The following LYZL4 variants were observed in gnomAD, a reference collection of about 807,000 sequenced individuals.
The protein encoded by LYZL4 is lysozyme like 4.
Under a neutral mutation model 17.6 loss-of-function variants are expected in LYZL4, and 13 were observed. The observed-to-expected ratio is 0.74, with a 90% CI of 0.48 to 1.18. The LOEUF is 1.18. Ranked by LOEUF, LYZL4 falls within the 50% of genes most tolerant of loss-of-function variation. LYZL4 has a pLI of 0.00. For missense variants in LYZL4, 174 were observed against 188.2 expected (o/e 0.92, Z 0.44); for synonymous variants, 64 against 67.7 (o/e 0.95, Z 0.27).
chr3:42,361,531 A>G, the LYZL4 span, among the ~76,000 whole-genome samples: 1 of 152,098 alleles, frequency 6.6e-6, no homozygotes, highest in African/African-American at 2.4e-5. Flanking sequence ...AAATAGACTT[A>G]GCCTGGGCAA....
the LYZL4 span, among the ~76,000 whole-genome samples, chr3:42,380,070 G>C: frequency 2.2e-4 from 33 of 152,164 alleles, no homozygotes; most frequent in Non-Finnish European, 4.0e-4. Context: ...GGCCCTCATC[G>C]GACACCACCT....
At chr3:42,391,704 C>A in the LYZL4 span, among the ~76,000 whole-genome samples, 1 of 151,830 alleles carries the variant, frequency 6.6e-6, no homozygotes, top group Non-Finnish European at 1.5e-5. Flanking sequence ...AATCAGAAGC[C>A]GAGAGAGATT....
At chr3:42,404,223 C>A in intron 3 of LYZL4, 99 bp from the exon 4 acceptor site, 1 of 633,932 alleles carries the variant, frequency 1.6e-6, no homozygotes, top group South Asian at 2.4e-5. Context: ...AGAGAGTCTT[C>A]CAGTGAATTC....
downstream of LYZL4, among the ~76,000 whole-genome samples, chr3:42,393,439 G>T: frequency 6.6e-6 from 1 of 152,126 alleles, no homozygotes; most frequent in East Asian, 1.9e-4. Context: ...GGAAGCAGGC[G>T]AAGGGCCCAG....
chr3:42,378,747 A>G, the LYZL4 span, among the ~76,000 whole-genome samples: 1 of 152,150 alleles, frequency 6.6e-6, no homozygotes, highest in African/African-American at 2.4e-5. Context: ...GAGTGCAACT[A>G]ACGTGTAGAT....
At chr3:42,392,429 G>C (rs576651231), downstream of LYZL4, among the ~76,000 whole-genome samples, 1 of 152,228 alleles carries the variant, frequency 6.6e-6, no homozygotes, top group African/African-American at 2.4e-5. Context: ...GCATGAAACA[G>C]TCATCTAAGA....
downstream of LYZL4, among the ~76,000 whole-genome samples, chr3:42,396,144 C>G (rs1340549178): frequency 1.3e-5 from 2 of 152,178 alleles, no homozygotes; most frequent in South Asian, 2.1e-4. Context: ...TACTGAAATA[C>G]TCACTGGCAC....
At chr3:42,391,673 A>C in the LYZL4 span, among the ~76,000 whole-genome samples, 1 of 152,170 alleles carries the variant, frequency 6.6e-6, no homozygotes. Context: ...TTTTTGAGGA[A>C]TTTTTAAAGA....
In LYZL4 at chr3:42,397,222, C is replaced by T; in HGVS notation, c.*43G>A. 1 of 1,375,010 alleles carries T rather than the reference C, an allele frequency of 7.3e-7. No individual in the cohort carries two copies. The highest frequency in any genetic ancestry group is 1.0e-6 in the Non-Finnish European group (1 of 990,708). 85.2% of individuals were successfully genotyped at this position (1,375,010 alleles called of 1,614,324 possible). On this transcript the variant is annotated 3_prime_UTR_variant, in exon 5 of 5. Transcript: ENST00000287748. Reference sequence around the variant, plus strand: ...CAGCAAGCAGAAAAGCACCTTCATTCACAAGATGCAACTGGTGAGTGCTGC... The same window carrying T: ...CAGCAAGCAGAAAAGCACCTTCATTTACAAGATGCAACTGGTGAGTGCTGC...
intron 1 of LYZL4, among the ~76,000 whole-genome samples, chr3:42,409,615 T>A (rs1315796569): frequency 6.6e-6 from 1 of 152,178 alleles, no homozygotes; most frequent in South Asian, 2.1e-4. Flanking sequence ...GCCTCTCATC[T>A]TTTCTGCCAT....
the LYZL4 span, among the ~76,000 whole-genome samples, chr3:42,389,553 T>C: frequency 6.6e-6 from 1 of 152,208 alleles, no homozygotes; most frequent in South Asian, 2.1e-4. Flanking sequence ...CATAGCACCG[T>C]AGGGTCTTAA....
At chr3:42,360,905 C>T in the LYZL4 span, among the ~76,000 whole-genome samples, 1 of 152,004 alleles carries the variant, frequency 6.6e-6, no homozygotes, top group Admixed American at 6.5e-5. Context: ...AATTAGGTTC[C>T]TTTAGCCAAG....
In LYZL4 at chr3:42,410,497, C is replaced by T. The variant is rs1577160501; in HGVS notation, c.-173G>A. Reference sequence around the variant, plus strand: ...AGAACAGCCACTGCAGCAGCTTCGACGTGTGTTGCAGGGAAGTTGCTCCAC... The same window carrying T: ...AGAACAGCCACTGCAGCAGCTTCGATGTGTGTTGCAGGGAAGTTGCTCCAC... On this transcript the variant is annotated 5_prime_UTR_variant, in exon 1 of 5. Transcript: ENST00000287748. 3 of 152,200 alleles carry T rather than the reference C, an allele frequency of 2.0e-5. 1 individual carries two copies. Among genetic ancestry groups the T allele is most frequent in the South Asian group, 4.1e-4 (2 of 4,826 alleles). The allele number at this position is 152,200 out of a possible 1,614,324, so 9.4% of individuals were successfully genotyped here. A position where few individuals can be genotyped will look rare whatever the true frequency, so the allele number is the denominator to read the frequency against.
intron 4 of LYZL4, among the ~76,000 whole-genome samples, chr3:42,400,024 G>C (rs1577152199): frequency 6.6e-6 from 1 of 151,054 alleles, no homozygotes; most frequent in African/African-American, 2.4e-5. Flanking sequence ...TGAAGACACA[G>C]AAAACAAAAC....
chr3:42,405,115 C>A (rs1049411075), intron 3 of LYZL4, among the ~76,000 whole-genome samples: 1 of 152,038 alleles, frequency 6.6e-6, no homozygotes, highest in African/African-American at 2.4e-5. Context: ...GTGGCGCGAT[C>A]TGGGCTCACT....
intron 4 of LYZL4, among the ~76,000 whole-genome samples, chr3:42,397,767 C>T (rs1698580140): frequency 6.6e-6 from 1 of 152,162 alleles, no homozygotes; most frequent in African/African-American, 2.4e-5. Context: ...TGGGCCAGGG[C>T]CCCTTTCACC....
downstream of LYZL4, among the ~76,000 whole-genome samples, chr3:42,395,213 A>G (rs139673120): frequency 7.9e-3 from 1,204 of 152,348 alleles, 14 homozygotes; most frequent in African/African-American, 0.022. Context: ...GAAAGTAACC[A>G]AGGTTAAGAC....
the LYZL4 span, among the ~76,000 whole-genome samples, chr3:42,372,807 T>C: frequency 6.6e-6 from 1 of 152,306 alleles, no homozygotes; most frequent in Admixed American, 6.5e-5. Context: ...ATGGGGTCCA[T>C]GTGCATGGGA....
At chr3:42,375,175 C>G in the LYZL4 span, among the ~76,000 whole-genome samples, 7 of 152,138 alleles carry the variant, frequency 4.6e-5, no homozygotes, top group Non-Finnish European at 8.8e-5. Context: ...AGTTCTTCAG[C>G]TACACCAAGA....
Sources: allele counts gnomAD v4.1 joint callset (sites outside exome capture counted in the v4.1 genomes callset), GRCh38; gene constraint gnomAD v4.1.1; transcripts MANE v1.5; gene names NCBI Gene and HGNC (gene_info 2026-07-23, HGNC 2026-07-21).